Variants in SYT16 observed in about 807,000 individuals in gnomAD.
The protein encoded by SYT16 is synaptotagmin 16.
SYT16 carries 42 observed loss-of-function variants against 61.4 expected under a neutral mutation model. The ratio of observed to expected loss-of-function variants is 0.68; its 90% CI spans 0.53 to 0.89. The LOEUF is 0.89. Ranked by LOEUF, SYT16 falls within the 40% of genes least tolerant of loss-of-function variation. The pLI is 0.00. For missense variants in SYT16, 804 were observed against 807.3 expected, an observed-to-expected ratio of 1.00 and a Z score of 0.05; for synonymous variants, 314 against 302.3, an observed-to-expected ratio of 1.04 and a Z score of -0.40.
At chr14:61,819,335 CACTG>C (rs1340641152) in intron 1 of SYT16, among the ~76,000 whole-genome samples, 1 of 152,178 alleles carries the variant, frequency 6.6e-6, no homozygotes, top group Non-Finnish European at 1.5e-5. Flanking sequence ...TAATCAAACT[CACTG>C]ACAGTGCTTT....
chr14:62,103,428 A>T lies in SYT16; in HGVS notation c.*2721A>T, dbSNP rs2057457687. On this transcript the variant is annotated 3_prime_UTR_variant, in exon 8 of 8. Coordinates refer to ENST00000683842, the MANE Select transcript of SYT16 (RefSeq NM_001367656.1). ...GATTTTGCCTGAAGAGCATGCTTTT[A>T]AAATAATATCGTTAAGAGTAAATGA... 6.6e-6 allele frequency: 1 copy of T among 152,188 alleles called. No homozygotes were observed. Among genetic ancestry groups the T allele is most frequent in the Admixed American group, 6.5e-5 (1 of 15,272 alleles). 9.4% of individuals were successfully genotyped at this position (152,188 alleles called of 1,614,324 possible). A position where few individuals can be genotyped will look rare whatever the true frequency, so the allele number is the denominator to read the frequency against.
intron 3 of SYT16, among the ~76,000 whole-genome samples, chr14:62,037,456 G>A (rs1052179913): frequency 6.6e-6 from 1 of 152,094 alleles, no homozygotes; most frequent in Admixed American, 6.5e-5. Flanking sequence ...TTAAATTGAT[G>A]TTTTCAACAC....
intron 3 of SYT16, among the ~76,000 whole-genome samples, chr14:62,008,650 T>TG (rs889608689): frequency 6.7e-5 from 10 of 149,424 alleles, no homozygotes; most frequent in African/African-American, 2.2e-4. Context: ...TTTTTTTTGC[T>TG]GCAAGCATAT....
chr14:62,067,828 T>C (rs1021104116), intron 3 of SYT16, among the ~76,000 whole-genome samples: 14 of 143,442 alleles, frequency 9.8e-5, no homozygotes, highest in South Asian at 4.4e-4. Context: ...AACAAACAAA[T>C]AAATAAATAA....
At chr14:61,853,553 T>A (rs1480073660) in intron 1 of SYT16, among the ~76,000 whole-genome samples, 1 of 152,202 alleles carries the variant, frequency 6.6e-6, no homozygotes, top group African/African-American at 2.4e-5. Context: ...TTGTACCTTC[T>A]ACACAGGGAG....
chr14:61,840,587 C>A (rs560738443), intron 1 of SYT16, among the ~76,000 whole-genome samples: 1 of 152,170 alleles, frequency 6.6e-6, no homozygotes, highest in Non-Finnish European at 1.5e-5. Flanking sequence ...TTTCCTATTT[C>A]CTTTTTCTTT....
chr14:61,814,833 C>CA (rs1443173598), intron 1 of SYT16, among the ~76,000 whole-genome samples: 5 of 152,204 alleles, frequency 3.3e-5, no homozygotes, highest in African/African-American at 1.2e-4. Context: ...AAAGTATTCT[C>CA]AGTCAGTGTC....
chr14:61,844,213 T>A (rs1322865060), intron 1 of SYT16, among the ~76,000 whole-genome samples: 1 of 152,190 alleles, frequency 6.6e-6, no homozygotes, highest in Non-Finnish European at 1.5e-5. Flanking sequence ...CATGTAGAAA[T>A]GCTGATTTTT....
chr14:61,911,634 A>G (rs1439737248), intron 1 of SYT16, among the ~76,000 whole-genome samples: 1 of 152,250 alleles, frequency 6.6e-6, no homozygotes, highest in East Asian at 1.9e-4. Context: ...AAAAATTGAA[A>G]GCATTAAAAT....
chr14:61,836,691 A>G (rs1248273990), intron 1 of SYT16, among the ~76,000 whole-genome samples: 20 of 152,222 alleles, frequency 1.3e-4, no homozygotes. Flanking sequence ...CCTTAAGAGA[A>G]AAGAGTCTCA....
chr14:61,854,857 C>T (rs772657031), intron 1 of SYT16, among the ~76,000 whole-genome samples: 3 of 150,824 alleles, frequency 2.0e-5, no homozygotes, highest in Non-Finnish European at 4.4e-5. Flanking sequence ...TTTTTTTTCC[C>T]ACTAGCTTAG....
chr14:61,910,761 G>A (rs1456746439), intron 1 of SYT16, among the ~76,000 whole-genome samples: 1 of 151,756 alleles, frequency 6.6e-6, no homozygotes, highest in Non-Finnish European at 1.5e-5. Flanking sequence ...ACTCCTGACC[G>A]CAAGTGATCC....
intron 1 of SYT16, among the ~76,000 whole-genome samples, chr14:61,839,788 G>A (rs1007228360): frequency 6.6e-5 from 10 of 151,978 alleles, no homozygotes; most frequent in Admixed American, 6.6e-4. Flanking sequence ...ATTCCCATGC[G>A]CTTACTTAGG....
intron 1 of SYT16, among the ~76,000 whole-genome samples, chr14:61,926,193 AG>A (rs1231315420): frequency 7.0e-6 from 1 of 141,954 alleles, no homozygotes; most frequent in African/African-American, 2.5e-5. Context: ...AGATGCTAGA[AG>A]GAATTTGCTT....
chr14:62,037,868 G>A (rs1221218126), intron 3 of SYT16, among the ~76,000 whole-genome samples: 1 of 152,124 alleles, frequency 6.6e-6, no homozygotes, highest in East Asian at 1.9e-4. Context: ...GAGCCTTCTA[G>A]TGTCATAGAA....
intron 3 of SYT16, among the ~76,000 whole-genome samples, 166 bp downstream of exon 3, chr14:61,996,708 A>G (rs544551861): frequency 9.9e-5 from 15 of 152,158 alleles, no homozygotes; most frequent in African/African-American, 3.4e-4. Context: ...AATATTTTCA[A>G]TATATAAAGC....
intron 1 of SYT16, among the ~76,000 whole-genome samples, chr14:61,853,736 A>G (rs1025105134): frequency 2.0e-5 from 3 of 152,108 alleles, no homozygotes; most frequent in African/African-American, 7.2e-5. Context: ...AGACACTTAC[A>G]TGTTGCAAAT....
chr14:61,858,519 A>T (rs1462074993), intron 1 of SYT16, among the ~76,000 whole-genome samples: 2 of 152,208 alleles, frequency 1.3e-5, no homozygotes, highest in African/African-American at 4.8e-5. Context: ...ATAAAAAATA[A>T]ATGAGGTAGA....
At chr14:62,021,671 G>A (rs1316159676) in intron 3 of SYT16, among the ~76,000 whole-genome samples, 1 of 130,164 alleles carries the variant, frequency 7.7e-6, no homozygotes, top group Non-Finnish European at 1.7e-5. Context: ...TACCAAGAAT[G>A]GACTAAAAGG....
Sources: gnomAD v4.1 joint callset for allele counts (sites outside exome capture counted in the v4.1 genomes callset) on GRCh38, gnomAD v4.1.1 for gene constraint, MANE v1.5 for transcripts, NCBI Gene and HGNC (gene_info 2026-07-23, HGNC 2026-07-21) for gene names.